The following SCLT1 variants were observed in gnomAD, a reference collection of about 807,000 sequenced individuals.
The protein encoded by SCLT1 is sodium channel-associated protein 1.
Under a neutral mutation model 112.8 loss-of-function variants are expected in SCLT1, and 78 were observed. That is an observed-to-expected ratio of 0.69 (90% CI 0.58 to 0.83). The LOEUF (loss-of-function observed/expected upper bound fraction) is 0.83. SCLT1 is among the 40% of genes least tolerant of loss of function. The pLI, the probability that SCLT1 is intolerant of heterozygous loss-of-function variation, is 0.00. For missense variants in SCLT1, 747 were observed against 770.4 expected (o/e 0.97, Z 0.36); for synonymous variants, 257 against 254.7 (o/e 1.01, Z -0.09).
At chr4:128,959,012 G>C (rs1307100499) in intron 12 of SCLT1, among the ~76,000 whole-genome samples, 1 of 152,110 alleles carries the variant, frequency 6.6e-6, no homozygotes, top group Non-Finnish European at 1.5e-5. Context: ...CTACATAAGG[G>C]AGGCCGCAAA....
intron 14 of SCLT1, among the ~76,000 whole-genome samples, chr4:128,951,993 G>A (rs185078984): frequency 4.6e-4 from 70 of 152,080 alleles, no homozygotes; most frequent in African/African-American, 1.5e-3. Flanking sequence ...AATATACTCT[G>A]CAAAACACTG....
intron 18 of SCLT1, among the ~76,000 whole-genome samples, chr4:128,929,116 A>G (rs1467606480): frequency 6.6e-6 from 1 of 152,226 alleles, no homozygotes; most frequent in Non-Finnish European, 1.5e-5. Context: ...GATAGATGAT[A>G]TGACCAAAAT....
Position 128,983,503 on chromosome 4 carries a change from T to A in SCLT1, c.686+8664A>T, listed in dbSNP as rs116420373. 5.7e-3 allele frequency among the ~76,000 whole-genome samples: 875 copies of A among 152,186 alleles called. 7 individuals are homozygous for A. The highest frequency in any genetic ancestry group is 0.034 in the Middle Eastern group (10 of 294). ...GAGAAGTCTTTCTGGAGAAGGCAAG[T>A]TTTAGCTAGGTTTAGAAAATTATAA... On this transcript the variant is annotated intron_variant, in intron 9 of 20. Coordinates refer to ENST00000281142, the MANE Select transcript of SCLT1 (RefSeq NM_144643.4).
chr4:129,051,947 T>C (rs1748838783), intron 2 of SCLT1, among the ~76,000 whole-genome samples: 1 of 152,214 alleles, frequency 6.6e-6, no homozygotes, highest in Admixed American at 6.5e-5. Flanking sequence ...GCCTGTTGAA[T>C]TTTGTCGAAG....
intron 17 of SCLT1, among the ~76,000 whole-genome samples, chr4:128,940,499 C>T (rs931906547): frequency 3.3e-5 from 5 of 151,618 alleles, no homozygotes; most frequent in African/African-American, 1.2e-4. Flanking sequence ...TGTGTATACA[C>T]ATAAATTTTT....
intron 18 of SCLT1, among the ~76,000 whole-genome samples, chr4:128,922,251 G>T (rs1437787639): frequency 1.3e-5 from 2 of 152,138 alleles, no homozygotes; most frequent in African/African-American, 4.8e-5. Flanking sequence ...ATTTCTCAAA[G>T]AACTTAAAAC....
At chr4:129,020,198 T>C (rs1745342164) in intron 5 of SCLT1, among the ~76,000 whole-genome samples, 1 of 152,216 alleles carries the variant, frequency 6.6e-6, no homozygotes, top group African/African-American at 2.4e-5. Flanking sequence ...GAAATTCTAC[T>C]TCTTCTGACT....
chr4:128,916,580 A>G (rs1195018609), intron 18 of SCLT1, among the ~76,000 whole-genome samples: 2 of 152,236 alleles, frequency 1.3e-5, no homozygotes, highest in South Asian at 4.1e-4. Context: ...CATCCTCAGC[A>G]CAGGCAGTCC....
intron 19 of SCLT1, among the ~76,000 whole-genome samples, chr4:128,889,961 T>G (rs1733185515): frequency 6.6e-6 from 1 of 152,202 alleles, no homozygotes; most frequent in Non-Finnish European, 1.5e-5. Context: ...AGTATCCTGC[T>G]AAAATGAGCT....
chr4:128,945,008 G>A (rs1036044675), intron 16 of SCLT1: 2 of 152,124 alleles, frequency 1.3e-5, no homozygotes, highest in Non-Finnish European at 2.9e-5. Flanking sequence ...ACATGGGAAG[G>A]TCTTTTACCC....
At chr4:128,950,874 T>C (rs1432381896) in intron 14 of SCLT1, among the ~76,000 whole-genome samples, 2 of 152,140 alleles carry the variant, frequency 1.3e-5, no homozygotes, top group Admixed American at 1.3e-4. Context: ...GAATAAAACC[T>C]TGAATATTCT....
intron 4 of SCLT1, among the ~76,000 whole-genome samples, chr4:128,876,300 C>G (rs1579266438): frequency 6.6e-6 from 1 of 152,110 alleles, no homozygotes; most frequent in Admixed American, 6.5e-5. Flanking sequence ...ATATTGCTTG[C>G]TCTGAGTAAG....
intron 18 of SCLT1, among the ~76,000 whole-genome samples, chr4:128,903,421 TTTCTAATTTTCTAAAATTAGAAAAG>T (rs1156486688): frequency 3.3e-5 from 5 of 152,186 alleles, no homozygotes; most frequent in South Asian, 4.1e-4. Context: ...TATGGCTAAA[TTTCTAATTTTCTAAAATTAGAAAAG>T]TTCTAATTTT....
intron 18 of SCLT1, among the ~76,000 whole-genome samples, chr4:128,934,940 C>A (rs1025128071): frequency 1.3e-5 from 2 of 151,822 alleles, no homozygotes; most frequent in Non-Finnish European, 2.9e-5. Context: ...ACAATGTCTG[C>A]TATAGAATAG....
rs572366655 is a variant in SCLT1 at position 129,005,213 on chromosome 4, G to C, written c.291-1337C>G. On this transcript the variant is annotated intron_variant, in intron 5 of 20. Transcript: ENST00000281142. The stretch of plus-strand genomic sequence containing the variant: ...AAAAGTTTTCTGCAAATATTTTAAA[G>C]ATGACATAATATTCCATCATTTTCA... 2.6e-5 allele frequency among the ~76,000 whole-genome samples: 4 copies of C among 152,170 alleles called. No individual in the cohort carries two copies. The South Asian group carries it at 6.2e-4, about 24-fold the overall frequency.
At chr4:128,936,363 A>G (rs1737181825) in intron 18 of SCLT1, among the ~76,000 whole-genome samples, 1 of 152,088 alleles carries the variant, frequency 6.6e-6, no homozygotes, top group African/African-American at 2.4e-5. Context: ...AGGGCCAGAG[A>G]ACAAATATTT....
At chr4:129,072,171 A>G (rs1751073160) in intron 2 of SCLT1, among the ~76,000 whole-genome samples, 1 of 152,046 alleles carries the variant, frequency 6.6e-6, no homozygotes, top group Non-Finnish European at 1.5e-5. Flanking sequence ...CTACTGAGAG[A>G]TCTGCTGCTA....
At chr4:128,880,786 T>G (rs76790118), downstream of SCLT1, among the ~76,000 whole-genome samples, 1,928 of 152,296 alleles carry the variant, frequency 0.013, 19 homozygotes, top group Admixed American at 0.02. Context: ...AATCACTAAC[T>G]ACAGTGACCC....
intron 5 of SCLT1, among the ~76,000 whole-genome samples, chr4:129,033,502 TAAAAAAAA>T (rs56325033): frequency 2.3e-4 from 10 of 44,310 alleles, no homozygotes; most frequent in Admixed American, 7.2e-4. Context: ...GAACTTAAAG[TAAAAAAAA>T]AAAAAAAAAA....
Sources: allele counts gnomAD v4.1 joint callset (sites outside exome capture counted in the v4.1 genomes callset), GRCh38; gene constraint gnomAD v4.1.1; transcripts MANE v1.5; gene names NCBI Gene and HGNC (gene_info 2026-07-23, HGNC 2026-07-21).